Variants in OSBPL10 observed in about 807,000 individuals in gnomAD.
OSBPL10 encodes the protein oxysterol binding protein like 10.
In OSBPL10, 49 loss-of-function variants were observed where a neutral mutation model predicts 81.7. The ratio of observed to expected loss-of-function variants is 0.60; its 90% CI spans 0.48 to 0.76. The LOEUF (loss-of-function observed/expected upper bound fraction) is 0.76. Ranked by LOEUF, OSBPL10 falls within the 30% of genes least tolerant of loss-of-function variation. OSBPL10 has a pLI of 0.00. For synonymous variants in OSBPL10, 419 were observed against 383.6 expected (o/e 1.09, Z -1.08); for missense variants, 923 against 987.8 (o/e 0.93, Z 0.88).
intron 1 of OSBPL10, among the ~76,000 whole-genome samples, chr3:32,077,150 C>T: frequency 6.6e-6 from 1 of 152,140 alleles, no homozygotes; most frequent in East Asian, 1.9e-4. Flanking sequence ...AAGTTCTTCC[C>T]AAAGTTAGTT....
intron 1 of OSBPL10, among the ~76,000 whole-genome samples, chr3:31,971,695 G>A (rs1698571443): frequency 6.6e-6 from 1 of 152,156 alleles, no homozygotes; most frequent in African/African-American, 2.4e-5. Context: ...AGAAATCTAA[G>A]TGTAATTATA....
intron 3 of OSBPL10, among the ~76,000 whole-genome samples, chr3:31,858,536 T>G (rs1206990167): frequency 6.6e-6 from 1 of 152,142 alleles, no homozygotes; most frequent in African/African-American, 2.4e-5. Context: ...ACAACAGACA[T>G]GATCTCATTA....
intron 1 of OSBPL10, among the ~76,000 whole-genome samples, chr3:31,913,241 T>TGG (rs1696644333): frequency 1.3e-5 from 2 of 150,812 alleles, no homozygotes; most frequent in African/African-American, 2.4e-5. Context: ...TTTTTTTTTA[T>TGG]TTTGTTTTTT....
rs368354125 is a variant in OSBPL10, at chr3:31,879,871, C to T, written c.282-41G>A. ...ACAGTACATCATTTTTCTCTCCTAC[C>T]CTATTCTGCACAGCAAAGCAGAAAA... On this transcript the variant is annotated intron_variant, in intron 1 of 11. Coordinates refer to ENST00000396556, the MANE Select transcript of OSBPL10 (RefSeq NM_017784.5). The T allele has an allele frequency of 5.3e-5, 84 of 1,587,164 alleles. 1 individual carries two copies. The South Asian group carries it at 8.7e-4, about 16-fold the overall frequency.
intron 3 of OSBPL10, among the ~76,000 whole-genome samples, chr3:31,870,515 A>G (rs1476526289): frequency 6.6e-6 from 1 of 152,230 alleles, no homozygotes; most frequent in East Asian, 1.9e-4. Flanking sequence ...ATGGCGCAGG[A>G]CTGGCAGGCA....
chr3:32,033,989 C>A (rs1169914139), intron 2 of OSBPL10, among the ~76,000 whole-genome samples: 1 of 152,124 alleles, frequency 6.6e-6, no homozygotes, highest in African/African-American at 2.4e-5. Flanking sequence ...GCTAGGGACA[C>A]CTTAGGAAAC....
intron 1 of OSBPL10, among the ~76,000 whole-genome samples, chr3:32,076,069 C>T (rs1454320959): frequency 1.3e-5 from 2 of 152,160 alleles, no homozygotes; most frequent in African/African-American, 2.4e-5. Flanking sequence ...ATCCCAAAAC[C>T]TGTAAGAACT....
At chr3:31,927,261 C>G (rs1271904224) in intron 1 of OSBPL10, among the ~76,000 whole-genome samples, 1 of 152,184 alleles carries the variant, frequency 6.6e-6, no homozygotes, top group African/African-American at 2.4e-5. Flanking sequence ...CCATGAAAAA[C>G]AAGCGTCACT....
chr3:31,953,900 G>C (rs1279756506), intron 1 of OSBPL10, among the ~76,000 whole-genome samples: 1 of 152,226 alleles, frequency 6.6e-6, no homozygotes, highest in Non-Finnish European at 1.5e-5. Context: ...AGGAACTGGG[G>C]CAAGAGGCAA....
intron 4 of OSBPL10, among the ~76,000 whole-genome samples, chr3:31,813,858 T>C (rs73059426): frequency 5.9e-5 from 9 of 152,198 alleles, no homozygotes; most frequent in Admixed American, 4.6e-4. Context: ...GGGCAACATG[T>C]TGGCATTCCA....
intron 5 of OSBPL10, among the ~76,000 whole-genome samples, chr3:31,744,421 C>T (rs1697454830): frequency 6.6e-6 from 1 of 151,752 alleles, no homozygotes; most frequent in African/African-American, 2.4e-5. Flanking sequence ...ACCTGTAATC[C>T]CAGCTACTCG....
chr3:31,920,831 TGTTCCCTCTCTC>T (rs1696891698), intron 1 of OSBPL10, among the ~76,000 whole-genome samples: 1 of 152,256 alleles, frequency 6.6e-6, no homozygotes, highest in African/African-American at 2.4e-5. Context: ...GCTTCTCTCT[TGTTCCCTCTCTC>T]ACCATGTGAT....
chr3:31,721,642 G>A (rs1696647967), intron 6 of OSBPL10: 1 of 152,234 alleles, frequency 6.6e-6, no homozygotes, highest in African/African-American at 2.4e-5. Flanking sequence ...AATGGCAGAT[G>A]TCATTATTTA....
intron 1 of OSBPL10, among the ~76,000 whole-genome samples, chr3:31,888,746 C>T (rs1490091593): frequency 6.6e-6 from 1 of 152,048 alleles, no homozygotes; most frequent in African/African-American, 2.4e-5. Flanking sequence ...CATGGTGAAA[C>T]CCCATCTCTA....
At chr3:31,759,111 A>G (rs899155048) in intron 4 of OSBPL10, among the ~76,000 whole-genome samples, 5 of 151,710 alleles carry the variant, frequency 3.3e-5, no homozygotes, top group South Asian at 2.1e-4. Context: ...TCAGAATTGA[A>G]TAACATGTAA....
chr3:31,927,412 A>C (rs778472187), intron 1 of OSBPL10, among the ~76,000 whole-genome samples: 2 of 152,224 alleles, frequency 1.3e-5, no homozygotes, highest in Non-Finnish European at 2.9e-5. Flanking sequence ...TAGCTTCCCT[A>C]GTACAAGAAA....
chr3:31,754,888 C>T (rs991049924), intron 4 of OSBPL10, among the ~76,000 whole-genome samples: 2 of 152,000 alleles, frequency 1.3e-5, no homozygotes, highest in African/African-American at 4.8e-5. Context: ...TCAACTCTAC[C>T]CTAGATATTT....
intron 4 of OSBPL10, among the ~76,000 whole-genome samples, chr3:31,781,093 C>T (rs1698685094): frequency 6.6e-6 from 1 of 152,050 alleles, no homozygotes; most frequent in Admixed American, 6.6e-5. Flanking sequence ...AATATAACAG[C>T]ATATTAAAAA....
At chr3:31,758,719 AT>A (rs1268452955) in intron 4 of OSBPL10, among the ~76,000 whole-genome samples, 2 of 152,176 alleles carry the variant, frequency 1.3e-5, no homozygotes, top group Non-Finnish European at 2.9e-5. Context: ...TTAATGCTGC[AT>A]TTTTTTGAAC....
Sources: allele counts gnomAD v4.1 joint callset (sites outside exome capture counted in the v4.1 genomes callset), GRCh38; gene constraint gnomAD v4.1.1; transcripts MANE v1.5; gene names NCBI Gene and HGNC (gene_info 2026-07-23, HGNC 2026-07-21).